Variants in MMAB observed in about 807,000 individuals in gnomAD.
MMAB encodes the protein metabolism of cobalamin associated B, also known as corrinoid adenosyltransferase MMAB.
In MMAB, 17 loss-of-function variants were observed where a neutral mutation model predicts 30.6. The ratio of observed to expected loss-of-function variants is 0.56; its 90% confidence interval spans 0.38 to 0.83. The LOEUF is 0.83. Ranked by LOEUF, MMAB falls within the 40% of genes least tolerant of loss-of-function variation. MMAB has a pLI of 0.00. For synonymous variants in MMAB, 134 were observed against 138.6 expected (o/e 0.97, Z 0.23); for missense variants, 311 against 331.6 (o/e 0.94, Z 0.48).
chr12:109,564,997 G>T, intron 4 of MMAB, 122 bp downstream of exon 4: 1 of 822,340 alleles, frequency 1.2e-6, no homozygotes, highest in Non-Finnish European at 2.2e-6. Flanking sequence ...AAGAAATGGA[G>T]CTCACAGAGG....
Position 109,573,441 on chromosome 12 carries a change from T to G in MMAB, c.40A>C (p.Ser14Arg), listed in dbSNP as rs1884743079. The G allele has an allele frequency of 6.2e-7, 1 of 1,606,520 alleles. No homozygotes were observed. Among genetic ancestry groups the G allele is most frequent in the African/African-American group, 1.3e-5 (1 of 74,704 alleles). Residue 14 changes from serine to arginine, a missense_variant, in exon 1 of 9, where the codon AGC becomes CGC. By Grantham distance (110) the Ser-to-Arg change is moderately radical. Transcript: ENST00000545712. The stretch of plus-strand genomic sequence containing the variant: ...AAGCACCCGCGCAGGCCAAGACGGC[T>G]CCCCAGGCCAAGACGGCTCCCCAGG... ...CGLGSRLGLG[S>R]RLGLRGCFGA...
In MMAB at chr12:109,561,638, G is replaced by C. The variant is rs1373487200; in HGVS notation, c.422-121C>G. ...GCAGACTGCTTCCACTGGCTCAGAAGGTACCTTCCCTCCCAGGAGCTACGA... is the reference window on the plus strand; with the variant it reads ...GCAGACTGCTTCCACTGGCTCAGAACGTACCTTCCCTCCCAGGAGCTACGA... On this transcript the variant is annotated intron_variant, in intron 5 of 8. Coordinates refer to ENST00000545712, the MANE Select transcript of MMAB (RefSeq NM_052845.4). The surrounding 1 kb of genome is among the most constrained non-coding windows in gnomAD (Gnocchi z 5.3). The C allele has an allele frequency of 1.6e-6, 2 of 1,215,546 alleles. No individual in the cohort carries two copies. Among genetic ancestry groups the C allele is most frequent in the Non-Finnish European group, 2.4e-6 (2 of 849,388 alleles). The allele number at this position is 1,215,546 out of a possible 1,614,324, so 75.3% of individuals were successfully genotyped here.
rs191604829 is a variant in MMAB at position 109,564,989 on chromosome 12, G to A, written c.348+130C>T. The A allele has an allele frequency of 1.1e-4, 90 of 809,338 alleles. No homozygotes were observed. The East Asian group carries it at 1.8e-3, about 16-fold the overall frequency. The allele number at this position is 809,338 out of a possible 1,614,324, so 50.1% of individuals were successfully genotyped here. The stretch of plus-strand genomic sequence containing the variant: ...GGCCTGTCCGCATTTTACAGATGAA[G>A]AAATGGAGCTCACAGAGGGAGAGTA... On this transcript the variant is annotated intron_variant, in intron 4 of 8. Coordinates refer to ENST00000545712, the MANE Select transcript of MMAB (RefSeq NM_052845.4).
rs550853785 is a variant in MMAB at position 109,559,190 on chromosome 12, T to C, written c.585-35A>G. On this transcript the variant is annotated intron_variant, in intron 7 of 8. Transcript: ENST00000545712. ...GAGGAGACACTGAGTCACGTGACAT[T>C]ATGGGGCTCAACAGGCTCTGACCTG... 30 of 1,526,884 alleles carry C rather than the reference T, an allele frequency of 2.0e-5. No individual in the cohort carries two copies. In the South Asian group the frequency reaches 3.1e-4, roughly 16 times the overall value. The allele number at this position is 1,526,884 out of a possible 1,614,324, so 94.6% of individuals were successfully genotyped here.
intron 2 of MMAB, among the ~76,000 whole-genome samples, chr12:109,571,369 C>T (rs1198455640): frequency 6.6e-6 from 1 of 152,098 alleles, no homozygotes; most frequent in Non-Finnish European, 1.5e-5. Context: ...CTGCCTCAGC[C>T]TCCCAAGTAG....
At chr12:109,568,086 C>T (rs1884497982) in intron 3 of MMAB, 2 of 153,254 alleles carry the variant, frequency 1.3e-5, no homozygotes, top group Admixed American at 1.3e-4. Context: ...GTAAACCTCA[C>T]TGGCGACAAC....
intron 4 of MMAB, among the ~76,000 whole-genome samples, chr12:109,562,680 G>A (rs1324944292): frequency 3.3e-5 from 5 of 152,350 alleles, no homozygotes; most frequent in South Asian, 4.1e-4. Flanking sequence ...TGGGCCAAGA[G>A]GTCAAATGTG....
rs751096268 is a variant in MMAB at position 109,557,143 on chromosome 12, G to A, written c.645-7C>T. On this transcript the variant is annotated splice_polypyrimidine_tract_variant and splice_region_variant and intron_variant, in intron 8 of 8. Coordinates refer to ENST00000545712, the MANE Select transcript of MMAB (RefSeq NM_052845.4). ...GAAGAGATAGTCACTGAGTCTGGAG[G>A]GGCAGAGAGAGAGAAGCAAACAGAA... 6.3e-7 allele frequency: 1 copy of A among 1,585,180 alleles called. No individual in the cohort carries two copies. The highest frequency in any genetic ancestry group is 1.1e-5 in the South Asian group (1 of 90,502).
At position 109,570,873 on chromosome 12, in the gene MMAB, C is replaced by CAAAAAAAAAA. The variant is rs111235348; in HGVS notation, c.196+766_196+775dup. On this transcript the variant is annotated intron_variant, in intron 2 of 8. Transcript: ENST00000545712. Reference sequence around the variant, plus strand: ...TGGGTGACAGAGTAAAACCCTGTATCAAAAAAAAAAAAAAAAAAGGATCAT... The same window carrying CAAAAAAAAAA: ...TGGGTGACAGAGTAAAACCCTGTATCAAAAAAAAAAAAAAAAAAAAAAAAAAAAGGATCAT... 1.0e-3 allele frequency among the ~76,000 whole-genome samples: 94 copies of CAAAAAAAAAA among 92,334 alleles called. 1 individual carries two copies. Among genetic ancestry groups the CAAAAAAAAAA allele is most frequent in the African/African-American group, 3.6e-3 (92 of 25,412 alleles). 60.6% of individuals were successfully genotyped at this position (92,334 alleles called of 152,430 possible).
rs1883897298 is a variant in MMAB, at chr12:109,554,569, G to A, written c.*2459C>T. ...GCTGCTGTTTGTTTCAAAACCCCGT[G>A]TTCCCGTGCAATGGGACTGATTGTT... On this transcript the variant is annotated 3_prime_UTR_variant, in exon 9 of 9. Transcript: ENST00000545712. 1 of 454,130 alleles carries A rather than the reference G, an allele frequency of 2.2e-6. No individual in the cohort carries two copies. The highest frequency in any genetic ancestry group is 4.4e-6 in the Non-Finnish European group (1 of 226,804). The allele number at this position is 454,130 out of a possible 1,614,324, so 28.1% of individuals were successfully genotyped here.
rs1473518421 is a variant in MMAB at position 109,558,279 on chromosome 12, G to C, written c.644+817C>G. 3.3e-5 allele frequency among the ~76,000 whole-genome samples: 5 copies of C among 152,180 alleles called. No individual in the cohort carries two copies. In the East Asian group the frequency reaches 9.7e-4, roughly 29 times the overall value. Reference sequence around the variant, plus strand: ...TCCCGTGCAATGCTATGGGACCGCAGGGTTGCTGCTTTGAAGGTGAAGTAG... The same window carrying C: ...TCCCGTGCAATGCTATGGGACCGCACGGTTGCTGCTTTGAAGGTGAAGTAG... On this transcript the variant is annotated intron_variant, in intron 8 of 8. Coordinates refer to ENST00000545712, the MANE Select transcript of MMAB (RefSeq NM_052845.4). This position sits in a 1 kb window ranked among gnomAD's most constrained non-coding sequence, Gnocchi z 4.3.
chr12:109,561,297 G>A lies in MMAB; in HGVS notation c.519+123C>T, dbSNP rs763616114. 2 of 1,561,722 alleles carry A rather than the reference G, an allele frequency of 1.3e-6. No homozygotes were observed. The highest frequency in any genetic ancestry group is 2.3e-5 in the South Asian group (2 of 86,894). On this transcript the variant is annotated intron_variant, in intron 6 of 8. Coordinates refer to ENST00000545712, the MANE Select transcript of MMAB (RefSeq NM_052845.4). The surrounding 1 kb of genome is among the most constrained non-coding windows in gnomAD (Gnocchi z 5.3). ...TGGGAGGGACCGGTGAGGACCTGGA[G>A]GGACTTGGGGAACTGGAGGACAGCG...
Position 109,556,255 on chromosome 12 carries a change from C to A in MMAB, c.*773G>T. The A allele has an allele frequency of 4.4e-6, 2 of 454,110 alleles. No homozygotes were observed. The highest frequency in any genetic ancestry group is 3.1e-5 in the South Asian group (2 of 64,478). The allele number at this position is 454,110 out of a possible 1,614,324, so 28.1% of individuals were successfully genotyped here. Reference sequence around the variant, plus strand: ...CAGCCTTGCTGGAAACTGACAACCTCATTTTCTCAAGCTGAAGATGCTGCA... The same window carrying A: ...CAGCCTTGCTGGAAACTGACAACCTAATTTTCTCAAGCTGAAGATGCTGCA... On this transcript the variant is annotated 3_prime_UTR_variant, in exon 9 of 9. Transcript: ENST00000545712.
chr12:109,555,584 A>G lies in MMAB; in HGVS notation c.*1444T>C, dbSNP rs1238782003. On this transcript the variant is annotated 3_prime_UTR_variant, in exon 9 of 9. Transcript: ENST00000545712. The stretch of plus-strand genomic sequence containing the variant: ...CCGTTTTCAGCTCTGTTTTGCAAAC[A>G]CTGAGCACCGACTCCGTACCAGACC... 2.7e-5 allele frequency: 12 copies of G among 450,714 alleles called. No individual in the cohort carries two copies. The East Asian group carries it at 8.4e-4, about 32-fold the overall frequency. The allele number at this position is 450,714 out of a possible 1,614,324, so 27.9% of individuals were successfully genotyped here. A position where few individuals can be genotyped will look rare whatever the true frequency, so the allele number is the denominator to read the frequency against.
At chr12:109,560,986 C>T in intron 7 of MMAB, 54 bp downstream of exon 7, 1 of 968,498 alleles carries the variant, frequency 1.0e-6, no homozygotes, top group South Asian at 1.3e-5. Flanking sequence ...TCCCCCCTCC[C>T]CCTTGTTCCT....
intron 2 of MMAB, among the ~76,000 whole-genome samples, chr12:109,570,873 CAAAAAA>C (rs111235348): frequency 2.2e-5 from 2 of 92,386 alleles, no homozygotes; most frequent in South Asian, 3.9e-4. Context: ...AACCCTGTAT[CAAAAAA>C]AAAAAAAAAA....
chr12:109,561,091 A>T lies in MMAB; in HGVS notation c.533T>A (p.Ile178Asn). Residue 178 changes from isoleucine to asparagine, a missense_variant, in exon 7 of 9, where the codon ATC (isoleucine) becomes AAC (asparagine). Coordinates refer to ENST00000545712, the MANE Select transcript of MMAB (RefSeq NM_052845.4). This position sits in a 1 kb window ranked among gnomAD's most constrained non-coding sequence, Gnocchi z 5.3. Reference sequence around the variant, plus strand: ...CCGGCAGAAATGCAGCGCCGAGCTGATCTTGCCTCCCGACTGAAAGGAGAA... The same window carrying T: ...CCGGCAGAAATGCAGCGCCGAGCTGTTCTTGCCTCCCGACTGAAAGGAGAA... ...TAFILPSGGKISSALHFCRAV... is the reference protein window; with the variant it reads ...TAFILPSGGKNSSALHFCRAV... The T allele has an allele frequency of 6.2e-7, 1 of 1,610,436 alleles. No individual in the cohort carries two copies. Among genetic ancestry groups the T allele is most frequent in the Non-Finnish European group, 8.5e-7 (1 of 1,179,938 alleles).
At chr12:109,571,060 T>G (rs1884613316) in intron 2 of MMAB, among the ~76,000 whole-genome samples, 1 of 152,030 alleles carries the variant, frequency 6.6e-6, no homozygotes, top group Non-Finnish European at 1.5e-5. Context: ...CAACTTAATC[T>G]CTCTCCCAGA....
intron 7 of MMAB, among the ~76,000 whole-genome samples, chr12:109,560,719 G>C (rs148924690): frequency 2.6e-5 from 4 of 152,214 alleles, no homozygotes; most frequent in African/African-American, 9.6e-5. Flanking sequence ...TCAGAATACA[G>C]GGCTCACAAA....
Sources: gnomAD v4.1 joint callset for allele counts (sites outside exome capture counted in the v4.1 genomes callset) on GRCh38, gnomAD v4.1.1 for gene constraint, Gnocchi (gnomAD v3.1) non-coding constraint, MANE v1.5 for transcripts, NCBI Gene and HGNC (gene_info 2026-07-23, HGNC 2026-07-21) for gene names.